Variants in SGCZ observed in about 807,000 individuals in gnomAD.
SGCZ encodes the protein sarcoglycan zeta, also known as zeta-sarcoglycan.
SGCZ carries 40 observed loss-of-function variants against 41.3 expected under a neutral mutation model. The ratio of observed to expected loss-of-function variants is 0.97; its 90% CI spans 0.75 to 1.26. The LOEUF is 1.26. SGCZ is among the 50% of genes most tolerant of loss of function. The pLI, the probability that SGCZ is intolerant of heterozygous loss-of-function variation, is 0.00. For synonymous variants in SGCZ, 206 were observed against 137.5 expected, an observed-to-expected ratio of 1.50 and a Z score of -3.49; for missense variants, 552 against 369.8, an observed-to-expected ratio of 1.49 and a Z score of -4.04.
chr8:14,939,967 T>C (rs965070330), intron 1 of SGCZ, among the ~76,000 whole-genome samples: 4 of 152,168 alleles, frequency 2.6e-5, no homozygotes, highest in Admixed American at 6.5e-5. Context: ...AAACATCTAT[T>C]TCAATTCTTA....
intron 1 of SGCZ, among the ~76,000 whole-genome samples, chr8:14,612,327 G>T (rs571467890): frequency 3.3e-5 from 5 of 152,144 alleles, no homozygotes; most frequent in African/African-American, 1.2e-4. Context: ...CAAGTGTTTG[G>T]CATTTCCCTC....
chr8:15,120,829 T>C (rs909812754), intron 1 of SGCZ, among the ~76,000 whole-genome samples: 1 of 152,188 alleles, frequency 6.6e-6, no homozygotes, highest in African/African-American at 2.4e-5. Context: ...ACTGTCCTAT[T>C]TGCATATGAA....
At chr8:14,760,085 C>G (rs182167061) in intron 1 of SGCZ, among the ~76,000 whole-genome samples, 1 of 152,278 alleles carries the variant, frequency 6.6e-6, no homozygotes, top group East Asian at 1.9e-4. Context: ...CCATGATGAG[C>G]ACTGCTCTCA....
At chr8:14,796,938 G>A (rs1276618010) in intron 1 of SGCZ, among the ~76,000 whole-genome samples, 2 of 152,142 alleles carry the variant, frequency 1.3e-5, no homozygotes, top group African/African-American at 2.4e-5. Context: ...CGATGAAGAG[G>A]TGACTTCTGC....
At chr8:14,511,983 T>A (rs561176775) in intron 2 of SGCZ, among the ~76,000 whole-genome samples, 6 of 152,260 alleles carry the variant, frequency 3.9e-5, no homozygotes, top group African/African-American at 1.4e-4. Flanking sequence ...CTCTGGAGGA[T>A]AAACAAAGCT....
chr8:15,042,995 C>T (rs1585504673), intron 1 of SGCZ, among the ~76,000 whole-genome samples: 1 of 152,266 alleles, frequency 6.6e-6, no homozygotes, highest in East Asian at 1.9e-4. Flanking sequence ...TCATGATTAG[C>T]TATTTTGTTA....
chr8:14,573,583 T>A (rs902039912), intron 1 of SGCZ, among the ~76,000 whole-genome samples: 1 of 152,202 alleles, frequency 6.6e-6, no homozygotes, highest in Non-Finnish European at 1.5e-5. Flanking sequence ...CCAAACAGTA[T>A]CTTTCTACTT....
chr8:15,101,983 C>G (rs1263122423), intron 1 of SGCZ, among the ~76,000 whole-genome samples: 2 of 152,090 alleles, frequency 1.3e-5, no homozygotes, highest in African/African-American at 4.8e-5. Context: ...TTCTACAGAG[C>G]TAAACTTAGG....
chr8:14,520,951 T>C (rs997616899), intron 2 of SGCZ, among the ~76,000 whole-genome samples: 10 of 152,158 alleles, frequency 6.6e-5, no homozygotes, highest in African/African-American at 2.4e-4. Context: ...TAGTAAAACA[T>C]AGAATCAAGA....
chr8:14,327,165 T>C (rs1802150728), intron 2 of SGCZ, among the ~76,000 whole-genome samples: 1 of 152,154 alleles, frequency 6.6e-6, no homozygotes, highest in Non-Finnish European at 1.5e-5. Context: ...AATTATAATA[T>C]GAAGACAGGT....
intron 3 of SGCZ, among the ~76,000 whole-genome samples, chr8:14,272,237 C>G (rs1183751991): frequency 6.6e-6 from 1 of 152,230 alleles, no homozygotes; most frequent in East Asian, 1.9e-4. Flanking sequence ...CTCCTGACCC[C>G]AAGGAATCTT....
chr8:15,054,802 A>G (rs1490167520), intron 1 of SGCZ, among the ~76,000 whole-genome samples: 2 of 147,830 alleles, frequency 1.4e-5, no homozygotes, highest in South Asian at 2.1e-4. Flanking sequence ...AAAAAATACA[A>G]AAAAAAAAAA....
At chr8:14,110,488 C>G (rs894476486) in intron 5 of SGCZ, among the ~76,000 whole-genome samples, 4 of 152,056 alleles carry the variant, frequency 2.6e-5, no homozygotes, top group African/African-American at 4.8e-5. Flanking sequence ...GGTCTCAATT[C>G]TGAGTGCCAA....
chr8:14,318,533 A>G (rs1219856032), intron 3 of SGCZ, among the ~76,000 whole-genome samples: 1 of 152,008 alleles, frequency 6.6e-6, no homozygotes, highest in Non-Finnish European at 1.5e-5. Context: ...ACTAATGTGG[A>G]TAGAGAAAAA....
At position 14,629,662 on chromosome 8, in the gene SGCZ, C is replaced by A. The variant is rs568660925; in HGVS notation, c.40-74736G>T. On this transcript the variant is annotated intron_variant, in intron 1 of 7. Transcript: ENST00000382080. ...GGCAAACACATCCATGGTATTTGTC[C>A]AAAGGTGAATCCTTGTCTATGGAAT... 6.6e-5 allele frequency among the ~76,000 whole-genome samples: 10 copies of A among 152,200 alleles called. No individual in the cohort carries two copies. The South Asian group carries it at 2.1e-3, about 32-fold the overall frequency.
chr8:14,197,558 A>C (rs555966897), intron 4 of SGCZ, among the ~76,000 whole-genome samples: 3 of 152,122 alleles, frequency 2.0e-5, no homozygotes, highest in Non-Finnish European at 2.9e-5. Flanking sequence ...TTAAAAAAAA[A>C]CAAATAATTA....
chr8:15,015,595 G>A (rs575325904), intron 1 of SGCZ, among the ~76,000 whole-genome samples: 1 of 150,480 alleles, frequency 6.6e-6, no homozygotes, highest in Non-Finnish European at 1.5e-5. Flanking sequence ...GGCTGAGGCA[G>A]GAGAATGGCG....
chr8:14,450,634 A>T (rs1800564808), intron 2 of SGCZ, among the ~76,000 whole-genome samples: 1 of 152,200 alleles, frequency 6.6e-6, no homozygotes, highest in Admixed American at 6.5e-5. Flanking sequence ...TAAAAAAAGT[A>T]TGAGGATGTG....
intron 1 of SGCZ, among the ~76,000 whole-genome samples, chr8:14,969,078 A>G (rs181478410): frequency 1.3e-5 from 2 of 152,250 alleles, no homozygotes; most frequent in East Asian, 3.9e-4. Context: ...ATGTAAAGCT[A>G]TTGAGAAACT....
Sources: allele counts gnomAD v4.1 joint callset (sites outside exome capture counted in the v4.1 genomes callset), GRCh38; gene constraint gnomAD v4.1.1; transcripts MANE v1.5; gene names NCBI Gene and HGNC (gene_info 2026-07-23, HGNC 2026-07-21).